TANGO6: variants seen among roughly 807,000 people sequenced by gnomAD.
TANGO6 encodes the protein transport and golgi organization 6 homolog.
A neutral mutation model predicts 114.2 loss-of-function variants in TANGO6; 90 were observed. That is an observed-to-expected ratio of 0.79 (90% confidence interval 0.66 to 0.94). The LOEUF (loss-of-function observed/expected upper bound fraction) is 0.94, where lower values mean the gene tolerates loss of function less well. TANGO6 is among the 40% of genes least tolerant of loss of function. The pLI, the probability that TANGO6 is intolerant of heterozygous loss-of-function variation, is 0.00. For synonymous variants in TANGO6, 477 were observed against 509.8 expected (o/e 0.94, Z 0.87); for missense variants, 1,274 against 1,315.3 (o/e 0.97, Z 0.49).
At chr16:69,024,017 C>T (rs934091258) in intron 16 of TANGO6, among the ~76,000 whole-genome samples, 22 of 150,416 alleles carry the variant, frequency 1.5e-4, no homozygotes, top group Non-Finnish European at 8.9e-5. Context: ...AAGCAGTTCT[C>T]CTGCCTCAGC....
intron 15 of TANGO6, among the ~76,000 whole-genome samples, chr16:68,980,038 G>A (rs893203745): frequency 4.0e-5 from 6 of 151,792 alleles, no homozygotes; most frequent in African/African-American, 1.5e-4. Context: ...AGTAGAGACG[G>A]GGTTTCACCA....
intron 14 of TANGO6, among the ~76,000 whole-genome samples, chr16:68,951,292 C>G (rs370197770): frequency 1.3e-5 from 2 of 148,152 alleles, no homozygotes; most frequent in Non-Finnish European, 3.0e-5. Flanking sequence ...AACTGCACTC[C>G]AGCCTGGGTG....
intron 16 of TANGO6, among the ~76,000 whole-genome samples, chr16:69,027,404 G>A (rs1959520361): frequency 6.6e-6 from 1 of 151,940 alleles, no homozygotes; most frequent in South Asian, 2.1e-4. Flanking sequence ...GGATCACCAG[G>A]GACAGCCTGT....
Position 69,052,269 on chromosome 16 carries a change from C to CTT in TANGO6, c.3108+11863_3108+11864dup, listed in dbSNP as rs34982291. ...GCTCTCAGGCCTTGATTTTTCTTTT[C>CTT]TTTTTTTTTTTTTTTTGGAGACAGG... On this transcript the variant is annotated intron_variant, in intron 17 of 17. Transcript: ENST00000261778. Among the ~76,000 whole-genome samples the CTT allele has an allele frequency of 8.1e-4, 99 of 122,314 alleles. 2 individuals carry two copies. The highest frequency in any genetic ancestry group is 9.8e-3 in the Middle Eastern group (2 of 204). The allele number at this position is 122,314 out of a possible 152,430, so 80.2% of individuals were successfully genotyped here.
intron 11 of TANGO6, among the ~76,000 whole-genome samples, chr16:68,912,358 G>T (rs1313023718): frequency 1.3e-5 from 2 of 152,148 alleles, no homozygotes; most frequent in African/African-American, 2.4e-5. Context: ...ACTAGACCGG[G>T]TGCAGTGGCT....
chr16:68,858,504 T>TA (rs1242188395), intron 1 of TANGO6, among the ~76,000 whole-genome samples: 1 of 152,256 alleles, frequency 6.6e-6, no homozygotes, highest in African/African-American at 2.4e-5. Flanking sequence ...GTTTTTGGCA[T>TA]AATGTTCATT....
At chr16:68,920,513 C>T (rs771465471) in intron 12 of TANGO6, among the ~76,000 whole-genome samples, 5 of 152,086 alleles carry the variant, frequency 3.3e-5, no homozygotes, top group Non-Finnish European at 4.4e-5. Context: ...GATTACATAC[C>T]GAGTTAGGTG....
At chr16:68,905,866 T>A (rs1962843211) in intron 9 of TANGO6, among the ~76,000 whole-genome samples, 1 of 151,974 alleles carries the variant, frequency 6.6e-6, no homozygotes, top group African/African-American at 2.4e-5. Flanking sequence ...AGTGAGACCC[T>A]GTCTCAAAAA....
intron 10 of TANGO6, 53 bp downstream of exon 10, chr16:68,907,628 A>G: frequency 6.6e-7 from 1 of 1,522,716 alleles, no homozygotes; most frequent in East Asian, 2.3e-5. Flanking sequence ...AGTTCCAGGA[A>G]ACCCTTAGAA....
chr16:68,938,082 TC>T (rs2152200772), intron 14 of TANGO6, among the ~76,000 whole-genome samples: 1 of 152,310 alleles, frequency 6.6e-6, no homozygotes, highest in South Asian at 2.1e-4. Context: ...TTCCAATTTT[TC>T]CACAGCTTTG....
intron 17 of TANGO6, among the ~76,000 whole-genome samples, chr16:69,056,376 T>G (rs1252241603): frequency 6.6e-6 from 1 of 152,204 alleles, no homozygotes; most frequent in African/African-American, 2.4e-5. Context: ...AATTTTAGGA[T>G]GTTAGAAGTG....
chr16:69,083,288 T>G (rs1336615285), intron 17 of TANGO6, among the ~76,000 whole-genome samples, 197 bp from the exon 18 acceptor site: 2 of 152,024 alleles, frequency 1.3e-5, no homozygotes, highest in Non-Finnish European at 2.9e-5. Context: ...CTCAAACTCC[T>G]GGACTCAAGT....
chr16:68,906,168 G>A (rs574344037), intron 9 of TANGO6, among the ~76,000 whole-genome samples: 13 of 152,134 alleles, frequency 8.5e-5, no homozygotes, highest in African/African-American at 1.4e-4. Flanking sequence ...CAACAGGAGC[G>A]AGATTCTATC....
intron 7 of TANGO6, among the ~76,000 whole-genome samples, chr16:68,889,833 G>A (rs1391911754): frequency 6.6e-6 from 1 of 152,210 alleles, no homozygotes; most frequent in Admixed American, 6.5e-5. Context: ...TGGTGGGTTC[G>A]TGGCATATTG....
At chr16:68,858,382 A>G (rs1962034786) in intron 1 of TANGO6, among the ~76,000 whole-genome samples, 1 of 152,056 alleles carries the variant, frequency 6.6e-6, no homozygotes, top group Non-Finnish European at 1.5e-5. Context: ...TTAGGTAACA[A>G]ATTTAACTAT....
chr16:68,954,080 A>G (rs1963501235), intron 14 of TANGO6, among the ~76,000 whole-genome samples: 1 of 151,710 alleles, frequency 6.6e-6, no homozygotes, highest in Non-Finnish European at 1.5e-5. Context: ...TCTCTACTAA[A>G]AATACAAAAA....
At chr16:68,856,982 C>T (rs768617974) in intron 1 of TANGO6, among the ~76,000 whole-genome samples, 2 of 152,072 alleles carry the variant, frequency 1.3e-5, no homozygotes, top group Admixed American at 1.3e-4. Context: ...GGTGGCGGGC[C>T]CCTGTAGTCC....
At chr16:68,856,665 A>G (rs1961999158) in intron 1 of TANGO6, among the ~76,000 whole-genome samples, 1 of 152,194 alleles carries the variant, frequency 6.6e-6, no homozygotes, top group South Asian at 2.1e-4. Context: ...CAACTGATAA[A>G]CCAATGTTGA....
chr16:68,872,494 G>A (rs984375364), intron 4 of TANGO6, among the ~76,000 whole-genome samples: 2 of 151,444 alleles, frequency 1.3e-5, no homozygotes, highest in African/African-American at 4.9e-5. Flanking sequence ...TAGAGACAGC[G>A]TTTCACCATG....
Sources: gnomAD v4.1 joint callset for allele counts (sites outside exome capture counted in the v4.1 genomes callset) on GRCh38, gnomAD v4.1.1 for gene constraint, MANE v1.5 for transcripts, NCBI Gene and HGNC (gene_info 2026-07-23, HGNC 2026-07-21) for gene names.